Variants in ANO10 observed in about 807,000 individuals in gnomAD.
The protein encoded by ANO10 is anoctamin 10.
Under a neutral mutation model 74.7 loss-of-function variants are expected in ANO10, and 77 were observed. The ratio of observed to expected loss-of-function variants is 1.03; its 90% CI spans 0.86 to 1.25. The LOEUF is 1.25. Ranked by LOEUF, ANO10 falls within the 50% of genes most tolerant of loss-of-function variation. The probability of loss-of-function intolerance (pLI) is 0.00; values close to 1 mark genes in which losing one functional copy is unlikely to be tolerated. For synonymous variants in ANO10, 279 were observed against 284.9 expected, an observed-to-expected ratio of 0.98 and a Z score of 0.21; for missense variants, 721 against 778.1, an observed-to-expected ratio of 0.93 and a Z score of 0.87.
intron 12 of ANO10, among the ~76,000 whole-genome samples, chr3:43,387,875 C>T (rs1426754646): frequency 6.6e-6 from 1 of 152,044 alleles, no homozygotes; most frequent in Non-Finnish European, 1.5e-5. Flanking sequence ...GGGCTTGTAC[C>T]CCCAGGGAGA....
intron 11 of ANO10, among the ~76,000 whole-genome samples, chr3:43,449,515 CTTTTTTTTTT>C (rs61265406): frequency 3.7e-5 from 4 of 107,124 alleles, no homozygotes; most frequent in South Asian, 3.4e-4. Context: ...TATCTAGATT[CTTTTTTTTTT>C]TTTTTTTTTT....
At chr3:43,529,405 T>C (rs1385167139) in intron 11 of ANO10, among the ~76,000 whole-genome samples, 1 of 152,196 alleles carries the variant, frequency 6.6e-6, no homozygotes, top group Non-Finnish European at 1.5e-5. Context: ...CCACAGCATC[T>C]ATACCATTTG....
intron 11 of ANO10, among the ~76,000 whole-genome samples, chr3:43,545,242 T>C (rs1203060352): frequency 6.6e-6 from 1 of 152,176 alleles, no homozygotes; most frequent in Admixed American, 6.5e-5. Context: ...TTATGTAGAC[T>C]CCAGTAAAAA....
At chr3:43,644,517 T>C (rs2083706702) in intron 1 of ANO10, among the ~76,000 whole-genome samples, 2 of 152,208 alleles carry the variant, frequency 1.3e-5, no homozygotes, top group African/African-American at 4.8e-5. Flanking sequence ...TGTCCTCCAC[T>C]GGCCTCTCCA....
intron 4 of ANO10, among the ~76,000 whole-genome samples, chr3:43,597,185 C>A (rs2082128633): frequency 6.6e-6 from 1 of 152,192 alleles, no homozygotes; most frequent in African/African-American, 2.4e-5. Flanking sequence ...ACTAGTTCAA[C>A]CATTGTGGAA....
chr3:43,523,500 G>C (rs538201243), intron 11 of ANO10, among the ~76,000 whole-genome samples: 2 of 152,162 alleles, frequency 1.3e-5, no homozygotes, highest in African/African-American at 4.8e-5. Flanking sequence ...ATGCTATGCT[G>C]TAGCAACTCA....
At chr3:43,541,396 A>C (rs986677549) in intron 11 of ANO10, among the ~76,000 whole-genome samples, 3 of 152,208 alleles carry the variant, frequency 2.0e-5, no homozygotes, top group African/African-American at 4.8e-5. Flanking sequence ...TCATTTGAAG[A>C]CACAGAGCTA....
chr3:43,577,652 T>C (rs1350530736), intron 5 of ANO10, among the ~76,000 whole-genome samples: 1 of 152,198 alleles, frequency 6.6e-6, no homozygotes, highest in Non-Finnish European at 1.5e-5. Flanking sequence ...GCTCCCCACT[T>C]TTCTCCCACT....
At chr3:43,488,713 C>G (rs1409025822) in intron 11 of ANO10, among the ~76,000 whole-genome samples, 262 of 151,878 alleles carry the variant, frequency 1.7e-3, no homozygotes, top group South Asian at 3.1e-3. Context: ...CACTTTTACA[C>G]TGTTGGTGGG....
At chr3:43,647,342 G>A (rs1054660772) in intron 1 of ANO10, among the ~76,000 whole-genome samples, 4 of 152,028 alleles carry the variant, frequency 2.6e-5, no homozygotes, top group African/African-American at 7.2e-5. Flanking sequence ...TTGGGGGAGC[G>A]CTGGTATAAG....
chr3:43,664,083 G>A lies in ANO10; in HGVS notation c.-12+27434C>T, dbSNP rs908910798. ...AGCTCACATAGCCAAGACAATCCTG[G>A]GCAAGAAGAACAACGCTGGAGGCAT... On this transcript the variant is annotated intron_variant, in intron 1 of 3. Transcript: ENST00000413397. 2.0e-5 allele frequency among the ~76,000 whole-genome samples: 3 copies of A among 152,072 alleles called. No homozygotes were observed. In the East Asian group the frequency reaches 5.8e-4, roughly 29 times the overall value.
chr3:43,430,197 A>G (rs1289666799), intron 12 of ANO10, among the ~76,000 whole-genome samples: 2 of 152,134 alleles, frequency 1.3e-5, no homozygotes, highest in African/African-American at 2.4e-5. Flanking sequence ...TTTTTGAATT[A>G]AAGATATTGA....
At chr3:43,421,093 C>T (rs1181941293) in intron 12 of ANO10, among the ~76,000 whole-genome samples, 1 of 152,060 alleles carries the variant, frequency 6.6e-6, no homozygotes, top group East Asian at 1.9e-4. Flanking sequence ...CATGGAGGCA[C>T]ACACCTGTAG....
At chr3:43,385,962 A>C (rs7632743) in intron 12 of ANO10, among the ~76,000 whole-genome samples, 146,316 of 152,262 alleles carry the variant, frequency 0.96, 70,505 homozygotes, top group Non-Finnish European at 1. Flanking sequence ...ATACAACCAA[A>C]CAAACAAAAA....
intron 12 of ANO10, among the ~76,000 whole-genome samples, chr3:43,379,753 T>C (rs1443699922): frequency 2.0e-5 from 3 of 152,250 alleles, no homozygotes; most frequent in Non-Finnish European, 4.4e-5. Flanking sequence ...CCTGATGACC[T>C]GTGTGATACA....
intron 11 of ANO10, among the ~76,000 whole-genome samples, chr3:43,438,462 C>T (rs1220263545): frequency 6.6e-6 from 1 of 151,406 alleles, no homozygotes; most frequent in Non-Finnish European, 1.5e-5. Context: ...AAAAAAAATT[C>T]AGCCAGGCAT....
At chr3:43,605,969 G>A (rs2082544792) in intron 1 of ANO10, 106 bp from the exon 2 acceptor site, 5 of 1,299,070 alleles carry the variant, frequency 3.8e-6, no homozygotes, top group Admixed American at 2.0e-5. Flanking sequence ...TGGCTTCCAA[G>A]ATAAAAGCAA....
intron 11 of ANO10, among the ~76,000 whole-genome samples, chr3:43,475,722 C>T (rs569698449): frequency 5.3e-5 from 8 of 152,290 alleles, no homozygotes; most frequent in South Asian, 4.1e-4. Flanking sequence ...CATCAGCCTC[C>T]GGAGCAGCCG....
intron 9 of ANO10, among the ~76,000 whole-genome samples, chr3:43,557,982 G>A (rs941760637): frequency 1.1e-4 from 16 of 151,464 alleles, no homozygotes; most frequent in Non-Finnish European, 1.9e-4. Context: ...GTACATGCCT[G>A]TAGTCCCAGC....
Sources: gnomAD v4.1 joint callset for allele counts (sites outside exome capture counted in the v4.1 genomes callset) on GRCh38, gnomAD v4.1.1 for gene constraint, MANE v1.5 for transcripts, NCBI Gene and HGNC (gene_info 2026-07-23, HGNC 2026-07-21) for gene names.